The following DYNC2I1 variants were observed in gnomAD, a reference collection of about 807,000 sequenced individuals.
DYNC2I1 encodes the protein cytoplasmic dynein 2 intermediate chain 1.
DYNC2I1 carries 89 observed loss-of-function variants against 133.4 expected under a neutral mutation model. The ratio of observed to expected loss-of-function variants is 0.67; its 90% CI spans 0.56 to 0.80. The LOEUF is 0.80. Among genes scored for constraint, DYNC2I1 ranks in the 30% least tolerant of loss-of-function variants. The pLI, the probability that DYNC2I1 is intolerant of heterozygous loss-of-function variation, is 0.00. For synonymous variants in DYNC2I1, 504 were observed against 484.3 expected, an observed-to-expected ratio of 1.04 and a Z score of -0.54; for missense variants, 1,291 against 1,314.5, an observed-to-expected ratio of 0.98 and a Z score of 0.28.
intron 11 of DYNC2I1, among the ~76,000 whole-genome samples, chr7:158,907,599 C>G (rs149944589): frequency 1.0e-3 from 154 of 151,372 alleles, no homozygotes; most frequent in African/African-American, 3.5e-3. Context: ...TTTCCTTTCC[C>G]TTTTCTTTCT....
chr7:158,926,340 G>A, intron 18 of DYNC2I1, 40 bp downstream of exon 18: 2 of 1,602,238 alleles, frequency 1.2e-6, no homozygotes, highest in Non-Finnish European at 1.7e-6. Flanking sequence ...TTCATCAATG[G>A]TTGTGAAATA....
intron 11 of DYNC2I1, among the ~76,000 whole-genome samples, chr7:158,906,766 A>G (rs1208752660): frequency 1.3e-5 from 2 of 152,222 alleles, no homozygotes; most frequent in Non-Finnish European, 2.9e-5. Context: ...CCAAAAAATA[A>G]AGATTTTTAA....
chr7:158,839,955 GCA>G, the DYNC2I1 span, among the ~76,000 whole-genome samples: 1 of 152,006 alleles, frequency 6.6e-6, no homozygotes, highest in Non-Finnish European at 1.5e-5. Flanking sequence ...TGAACTACAG[GCA>G]CATCTCACCA....
intron 23 of DYNC2I1, among the ~76,000 whole-genome samples, chr7:158,940,669 A>G (rs1356754059): frequency 6.6e-6 from 1 of 152,226 alleles, no homozygotes; most frequent in Non-Finnish European, 1.5e-5. Context: ...CTAGAGATCA[A>G]TAACAGGAGG....
At chr7:158,873,822 T>C (rs1219626613) in intron 3 of DYNC2I1, among the ~76,000 whole-genome samples, 2 of 152,098 alleles carry the variant, frequency 1.3e-5, no homozygotes, top group African/African-American at 4.8e-5. Context: ...AGAGGCGCGA[T>C]CTCGGCCCAC....
chr7:158,882,020 T>G (rs1000266311), intron 5 of DYNC2I1, among the ~76,000 whole-genome samples: 6 of 152,216 alleles, frequency 3.9e-5, no homozygotes, highest in Non-Finnish European at 5.9e-5. Flanking sequence ...GATTTGGCTT[T>G]TATTAAAGGT....
downstream of DYNC2I1, among the ~76,000 whole-genome samples, chr7:158,958,293 C>G (rs554743691): frequency 6.6e-6 from 1 of 152,258 alleles, no homozygotes; most frequent in East Asian, 1.9e-4. Flanking sequence ...GAAGCCTGTG[C>G]CGCGTGGGAG....
At position 158,914,256 on chromosome 7, in the gene DYNC2I1, G is replaced by A. The variant is rs201190743; in HGVS notation, c.1726G>A (p.Asp576Asn). Residue 576 changes from aspartate to asparagine, a missense_variant, in exon 14 of 25, where the codon GAT (aspartate) becomes AAT (asparagine). Coordinates refer to ENST00000407559, the MANE Select transcript of DYNC2I1 (RefSeq NM_018051.5). The part of the protein sequence containing the change: ...SGGSEQRDTS[D>N]AVVMPKIDTP... ...AGGCAGTGAACAAAGAGATACCTCT[G>A]ATGCTGTAGTTATGCCAAAGATTGA... The A allele has an allele frequency of 3.7e-5, 60 of 1,612,440 alleles. 1 individual carries two copies. The African/African-American group carries it at 6.8e-4, about 18-fold the overall frequency.
intron 1 of DYNC2I1, among the ~76,000 whole-genome samples, chr7:158,862,757 G>A (rs1355218350): frequency 3.3e-5 from 5 of 152,058 alleles, no homozygotes; most frequent in Non-Finnish European, 4.4e-5. Flanking sequence ...CTCGCGGCGA[G>A]TGTTACAATT....
intron 23 of DYNC2I1, among the ~76,000 whole-genome samples, chr7:158,934,972 A>C (rs1466771877): frequency 5.3e-5 from 8 of 152,230 alleles, no homozygotes; most frequent in Non-Finnish European, 8.8e-5. Flanking sequence ...AATTTTAAAA[A>C]CAAAACCTAT....
chr7:158,869,779 A>G (rs1842717311), intron 1 of DYNC2I1, 76 bp from the exon 2 acceptor site: 6 of 1,139,262 alleles, frequency 5.3e-6, no homozygotes. Context: ...TTTAAATGGC[A>G]TAATGAAAAA....
intron 14 of DYNC2I1, among the ~76,000 whole-genome samples, 195 bp downstream of exon 14, chr7:158,914,516 C>G (rs954668513): frequency 3.3e-5 from 5 of 152,140 alleles, no homozygotes; most frequent in African/African-American, 9.7e-5. Flanking sequence ...CAGAATGACC[C>G]TGGGTAAATG....
Position 158,923,672 on chromosome 7 carries a change from G to A in DYNC2I1, c.2196G>A (p.Leu732=). 2 of 1,613,986 alleles carry A rather than the reference G, an allele frequency of 1.2e-6. No homozygotes were observed. The highest frequency in any genetic ancestry group is 1.6e-4 in the Middle Eastern group (1 of 6,062). ...GGGATTTGAGAGAAGACTCAAGGCT[G>A]CATTACTCTGTGACGCTGAGCGATG... ...VVWDLREDSR[L]HYSVTLSDGF... is the part of the protein sequence containing the mutation. The change falls in exon 17 of 25, where the codon CTG becomes CTA. Residue 732 remains leucine, a synonymous_variant. Coordinates refer to ENST00000407559, the MANE Select transcript of DYNC2I1 (RefSeq NM_018051.5).
chr7:158,888,196 TG>T (rs1844802121), intron 7 of DYNC2I1, among the ~76,000 whole-genome samples: 1 of 151,612 alleles, frequency 6.6e-6, no homozygotes, highest in African/African-American at 2.4e-5. Flanking sequence ...GGCTAATTTT[TG>T]TATTTATAGT....
chr7:158,841,197 A>G, the DYNC2I1 span, among the ~76,000 whole-genome samples: 522 of 42,066 alleles, frequency 0.012, 16 homozygotes, highest in African/African-American at 0.056. Flanking sequence ...ATATATATAT[A>G]TATATATATA....
chr7:158,939,760 A>C (rs1851142721), intron 23 of DYNC2I1, among the ~76,000 whole-genome samples: 1 of 152,208 alleles, frequency 6.6e-6, no homozygotes, highest in South Asian at 2.1e-4. Context: ...CTCATACTAA[A>C]AGGGTGGAAA....
the DYNC2I1 span, among the ~76,000 whole-genome samples, chr7:158,849,856 C>T: frequency 6.6e-6 from 1 of 152,230 alleles, no homozygotes; most frequent in African/African-American, 2.4e-5. Context: ...CTGATTGGTC[C>T]ATGGGTGGCC....
intron 8 of DYNC2I1, among the ~76,000 whole-genome samples, chr7:158,893,857 CAT>C (rs1479515187): frequency 1.3e-5 from 2 of 152,098 alleles, no homozygotes; most frequent in African/African-American, 4.8e-5. Context: ...TATCCTACCA[CAT>C]ATTGTACCAC....
In DYNC2I1 at chr7:158,869,785, A is replaced by T. The variant is rs115189028; in HGVS notation, c.16-70A>T. On this transcript the variant is annotated intron_variant, in intron 1 of 24. Transcript: ENST00000407559. Reference sequence around the variant, plus strand: ...TGCCATTGATTTAAATGGCATAATGAAAAAGCAGCTCACTACAACACTGAA... The same window carrying T: ...TGCCATTGATTTAAATGGCATAATGTAAAAGCAGCTCACTACAACACTGAA... 9.9e-4 allele frequency: 1,230 copies of T among 1,236,938 alleles called. 7 individuals carry two copies. In the African/African-American group the frequency reaches 0.017, roughly 17 times the overall value. 76.6% of individuals were successfully genotyped at this position (1,236,938 alleles called of 1,614,324 possible).
Sources: allele counts gnomAD v4.1 joint callset (sites outside exome capture counted in the v4.1 genomes callset), GRCh38; gene constraint gnomAD v4.1.1; transcripts MANE v1.5; gene names NCBI Gene and HGNC (gene_info 2026-07-23, HGNC 2026-07-21).